HYAL4: variants seen among roughly 807,000 people sequenced by gnomAD.
HYAL4 encodes the protein hyaluronidase-4.
HYAL4 carries 37 observed loss-of-function variants against 35.2 expected under a neutral mutation model. The observed-to-expected ratio is 1.05, with a 90% CI of 0.81 to 1.38. The LOEUF (loss-of-function observed/expected upper bound fraction) is 1.38. Ranked by LOEUF, HYAL4 falls within the 40% of genes most tolerant of loss-of-function variation. HYAL4 has a pLI of 0.00. For missense variants in HYAL4, 572 were observed against 572.4 expected, an observed-to-expected ratio of 1.00 and a Z score of 0.01; for synonymous variants, 198 against 203.2, an observed-to-expected ratio of 0.97 and a Z score of 0.22.
At chr7:123,775,790 G>T in the HYAL4 span, among the ~76,000 whole-genome samples, 9 of 151,236 alleles carry the variant, frequency 6.0e-5, no homozygotes, top group Non-Finnish European at 1.0e-4. Flanking sequence ...ACTTTTTTTT[G>T]ATCATTCTCC....
chr7:123,768,436 G>A, the HYAL4 span, among the ~76,000 whole-genome samples: 1 of 152,182 alleles, frequency 6.6e-6, no homozygotes, highest in Admixed American at 6.5e-5. Flanking sequence ...CTCCTGAAAA[G>A]TGAAACTATA....
At chr7:123,843,423 C>T (rs551080634), upstream of HYAL4, among the ~76,000 whole-genome samples, 1 of 152,124 alleles carries the variant, frequency 6.6e-6, no homozygotes, top group South Asian at 2.1e-4. Flanking sequence ...TCTCTGGCTG[C>T]TCTTAACACT....
At chr7:123,837,870 A>T (rs1338347860) in intron 1 of HYAL4, among the ~76,000 whole-genome samples, 2 of 152,100 alleles carry the variant, frequency 1.3e-5, no homozygotes, top group African/African-American at 4.8e-5. Context: ...ATGGCTGCAT[A>T]GTATTCTATG....
chr7:123,832,952 A>C (rs1209816884), intron 1 of HYAL4, among the ~76,000 whole-genome samples: 2 of 151,846 alleles, frequency 1.3e-5, no homozygotes, highest in Non-Finnish European at 2.9e-5. Context: ...TTAAGGCTGA[A>C]TATTCCTTCA....
At chr7:123,822,225 T>C in the HYAL4 span, among the ~76,000 whole-genome samples, 1 of 152,152 alleles carries the variant, frequency 6.6e-6, no homozygotes, top group African/African-American at 2.4e-5. Flanking sequence ...AGCCTGCAGA[T>C]CACTTTGGAT....
At chr7:123,864,585 A>G (rs1806645864) in intron 2 of HYAL4, among the ~76,000 whole-genome samples, 1 of 152,086 alleles carries the variant, frequency 6.6e-6, no homozygotes, top group African/African-American at 2.4e-5. Context: ...GCTATGCTAC[A>G]AGAACTAGTC....
chr7:123,876,993 G>A lies in HYAL4; in HGVS notation c.1284G>A (p.Val428=). Residue 428 remains valine, a synonymous_variant, in exon 5 of 5, where the codon GTG becomes GTA. Coordinates refer to ENST00000223026, the MANE Select transcript of HYAL4 (RefSeq NM_012269.3). ...AAGCATCTGATACAGACCTGGCAGT[G>A]ATGGCAGATACATTTTCCTGTCATT... ...KGKASDTDLA[V]MADTFSCHCY... 6.2e-7 allele frequency: 1 copy of A among 1,614,204 alleles called. No homozygotes were observed. Among genetic ancestry groups the A allele is most frequent in the Non-Finnish European group, 8.5e-7 (1 of 1,180,034 alleles).
the HYAL4 span, among the ~76,000 whole-genome samples, chr7:123,795,216 G>A: frequency 6.6e-6 from 1 of 152,284 alleles, no homozygotes; most frequent in South Asian, 2.1e-4. Context: ...TTGTATCTAG[G>A]AAGTAACTAA....
chr7:123,859,904 C>T (rs2116943295), intron 2 of HYAL4, among the ~76,000 whole-genome samples: 1 of 152,306 alleles, frequency 6.6e-6, no homozygotes, highest in South Asian at 2.1e-4. Flanking sequence ...TCCCTGGAAG[C>T]AAGCAATATA....
the HYAL4 span, among the ~76,000 whole-genome samples, chr7:123,806,163 A>G: frequency 3.9e-5 from 6 of 152,190 alleles, no homozygotes; most frequent in Non-Finnish European, 8.8e-5. Flanking sequence ...AGGCTGGCAT[A>G]ATAGTACATA....
chr7:123,806,237 A>C, the HYAL4 span, among the ~76,000 whole-genome samples: 1 of 152,152 alleles, frequency 6.6e-6, no homozygotes, highest in Non-Finnish European at 1.5e-5. Context: ...GCCTTGGAAC[A>C]TGGAGGGGAA....
the HYAL4 span, among the ~76,000 whole-genome samples, chr7:123,802,863 TATTACACTACTG>T: frequency 6.6e-6 from 1 of 152,252 alleles, no homozygotes; most frequent in African/African-American, 2.4e-5. Context: ...TATACTACTA[TATTACACTACTG>T]TGTAAGGTCA....
the HYAL4 span, among the ~76,000 whole-genome samples, chr7:123,786,345 A>T: frequency 6.6e-6 from 1 of 152,310 alleles, no homozygotes; most frequent in East Asian, 1.9e-4. Flanking sequence ...TGCACTCACT[A>T]TGATTTTTCT....
intron 2 of HYAL4, among the ~76,000 whole-genome samples, chr7:123,865,468 G>A (rs1806665576): frequency 6.6e-6 from 1 of 152,066 alleles, no homozygotes; most frequent in Non-Finnish European, 1.5e-5. Flanking sequence ...TCATAATTTA[G>A]AGCTACAGTA....
chr7:123,831,731 A>G (rs1805885471), intron 1 of HYAL4, among the ~76,000 whole-genome samples: 2 of 152,232 alleles, frequency 1.3e-5, no homozygotes, highest in South Asian at 4.1e-4. Flanking sequence ...CCCCCTCCCC[A>G]TGCGTTTGTT....
intron 4 of HYAL4, chr7:123,875,970 A>G (rs1012323608): frequency 2.9e-5 from 13 of 455,930 alleles, no homozygotes; most frequent in East Asian, 2.1e-4. Flanking sequence ...GTTTATGCCT[A>G]TGCCCACATA....
chr7:123,801,389 T>C, the HYAL4 span, among the ~76,000 whole-genome samples: 5 of 152,214 alleles, frequency 3.3e-5, no homozygotes, highest in Non-Finnish European at 7.3e-5. Flanking sequence ...TGTACTTTAA[T>C]ATTCAATCAA....
At chr7:123,847,584 T>C (rs1282425963) in intron 1 of HYAL4, among the ~76,000 whole-genome samples, 3 of 152,166 alleles carry the variant, frequency 2.0e-5, no homozygotes, top group Admixed American at 2.0e-4. Flanking sequence ...AAGACCATCC[T>C]GGCTAACACG....
chr7:123,808,418 CGTGTGTGTGTGTGTGTGTGTGTGTGT>C, the HYAL4 span, among the ~76,000 whole-genome samples: 10 of 142,698 alleles, frequency 7.0e-5, no homozygotes, highest in South Asian at 2.4e-4. Flanking sequence ...TGTATCATCA[CGTGTGTGTGTGTGTGTGTGTGTGTGT>C]GTGTGTGTGT....
Sources: allele counts gnomAD v4.1 joint callset (sites outside exome capture counted in the v4.1 genomes callset), GRCh38; gene constraint gnomAD v4.1.1; transcripts MANE v1.5; gene names NCBI Gene and HGNC (gene_info 2026-07-23, HGNC 2026-07-21).